INPP4B: variants seen among roughly 807,000 people sequenced by gnomAD.
The protein encoded by INPP4B is inositol polyphosphate-4-phosphatase type II B.
INPP4B carries 55 observed loss-of-function variants against 122.5 expected under a neutral mutation model. The ratio of observed to expected loss-of-function variants is 0.45; its 90% confidence interval spans 0.36 to 0.56. The LOEUF (loss-of-function observed/expected upper bound fraction) is 0.56, where lower values mean the gene tolerates loss of function less well. INPP4B is among the 20% of genes least tolerant of loss of function. The pLI is 0.00. For synonymous variants in INPP4B, 403 were observed against 388.7 expected (o/e 1.04, Z -0.43); for missense variants, 1,000 against 1,097.7 (o/e 0.91, Z 1.26).
intron 5 of INPP4B, among the ~76,000 whole-genome samples, chr4:142,417,808 C>T (rs1188797835): frequency 6.6e-6 from 1 of 152,082 alleles, no homozygotes; most frequent in Admixed American, 6.6e-5. Flanking sequence ...CTCAGGCTGG[C>T]AGTCCAAATA....
chr4:142,376,081 A>AT (rs1791737863), intron 7 of INPP4B, among the ~76,000 whole-genome samples: 1 of 152,034 alleles, frequency 6.6e-6, no homozygotes, highest in Non-Finnish European at 1.5e-5. Flanking sequence ...GCCTGTGCAT[A>AT]TGTCATTTCT....
At chr4:142,435,028 C>G (rs944921353) in intron 3 of INPP4B, among the ~76,000 whole-genome samples, 1 of 152,176 alleles carries the variant, frequency 6.6e-6, no homozygotes, top group South Asian at 2.1e-4. Flanking sequence ...GATGGGGGAG[C>G]AGTGACTGGG....
chr4:142,325,942 C>T (rs867697738), intron 7 of INPP4B, among the ~76,000 whole-genome samples: 10 of 152,268 alleles, frequency 6.6e-5, no homozygotes, highest in African/African-American at 2.4e-4. Flanking sequence ...TGAAAGAATA[C>T]TGAATGGCAA....
At chr4:142,194,462 T>A (rs1837329899) in intron 14 of INPP4B, among the ~76,000 whole-genome samples, 1 of 152,170 alleles carries the variant, frequency 6.6e-6, no homozygotes, top group Non-Finnish European at 1.5e-5. Context: ...CTGTTCTATG[T>A]CATGGAAAGG....
chr4:142,578,957 G>T (rs564292107), intron 2 of INPP4B, among the ~76,000 whole-genome samples: 1 of 151,888 alleles, frequency 6.6e-6, no homozygotes, highest in African/African-American at 2.4e-5. Context: ...GTGGTCTCTT[G>T]TAACTAAAAA....
At chr4:142,249,699 G>A (rs1191380767) in intron 11 of INPP4B, among the ~76,000 whole-genome samples, 6 of 152,140 alleles carry the variant, frequency 3.9e-5, no homozygotes, top group South Asian at 2.1e-4. Flanking sequence ...AGGATGAAAC[G>A]GCTGGTTGAA....
intron 5 of INPP4B, among the ~76,000 whole-genome samples, chr4:142,420,466 T>C (rs751212130): frequency 1.3e-5 from 2 of 152,090 alleles, no homozygotes; most frequent in Non-Finnish European, 2.9e-5. Context: ...CTGCAGAACA[T>C]GCTAAATCTT....
At chr4:142,580,053 A>G (rs1734740399) in intron 2 of INPP4B, among the ~76,000 whole-genome samples, 1 of 151,420 alleles carries the variant, frequency 6.6e-6, no homozygotes, top group Non-Finnish European at 1.5e-5. Context: ...AATATGGTAC[A>G]GAGGCAATGG....
intron 1 of INPP4B, among the ~76,000 whole-genome samples, chr4:142,824,070 T>C (rs1351903345): frequency 6.6e-6 from 1 of 152,112 alleles, no homozygotes; most frequent in Non-Finnish European, 1.5e-5. Context: ...CCTCCTGCCC[T>C]TGAACATGGG....
chr4:142,684,160 T>C (rs965812358), intron 2 of INPP4B, among the ~76,000 whole-genome samples: 2 of 152,068 alleles, frequency 1.3e-5, no homozygotes, highest in African/African-American at 2.4e-5. Flanking sequence ...AGAATTTTTG[T>C]GGTCCTCATG....
At chr4:142,315,313 T>C (rs1470106498) in intron 7 of INPP4B, among the ~76,000 whole-genome samples, 1 of 152,178 alleles carries the variant, frequency 6.6e-6, no homozygotes, top group Admixed American at 6.5e-5. Context: ...TCTTTCCCAC[T>C]TGAGAATTCT....
intron 2 of INPP4B, among the ~76,000 whole-genome samples, chr4:142,588,375 G>T (rs903991709): frequency 3.3e-5 from 5 of 151,626 alleles, no homozygotes; most frequent in East Asian, 1.9e-4. Flanking sequence ...TGTTTTTGTT[G>T]TAAATGACAT....
At chr4:142,640,586 T>A (rs921755723) in intron 2 of INPP4B, among the ~76,000 whole-genome samples, 1 of 151,868 alleles carries the variant, frequency 6.6e-6, no homozygotes, top group Non-Finnish European at 1.5e-5. Context: ...TTACAAGAAT[T>A]TAAAAAGCAC....
At chr4:142,626,224 T>G (rs541217631) in intron 2 of INPP4B, among the ~76,000 whole-genome samples, 2 of 152,048 alleles carry the variant, frequency 1.3e-5, no homozygotes, top group South Asian at 2.1e-4. Context: ...CTTTTGAACA[T>G]GAGCAGAACT....
chr4:142,647,738 T>G (rs761562831), intron 2 of INPP4B, among the ~76,000 whole-genome samples: 28 of 152,250 alleles, frequency 1.8e-4, no homozygotes, highest in African/African-American at 2.4e-5. Flanking sequence ...CTGAAGCAAA[T>G]TACTTCTCCA....
At position 142,176,146 on chromosome 4, in the gene INPP4B, T is replaced by C. The variant is rs974918493; in HGVS notation, c.1182-2337A>G. ...ATTATTATTATTATTATTATTATTA[T>C]TATTATTATACTTTAAGTTCTAGGG... is the stretch of plus-strand genomic sequence containing the variant. On this transcript the variant is annotated intron_variant, in intron 15 of 25. Transcript: ENST00000262992. 3.4e-5 allele frequency among the ~76,000 whole-genome samples: 5 copies of C among 147,508 alleles called. No homozygotes were observed. In the South Asian group the frequency reaches 1.1e-3, roughly 31 times the overall value.
chr4:142,197,592 A>G (rs1284651116), intron 14 of INPP4B, among the ~76,000 whole-genome samples: 1 of 152,158 alleles, frequency 6.6e-6, no homozygotes, highest in Non-Finnish European at 1.5e-5. Context: ...TAATTTGTGG[A>G]TAAGAATTGT....
intron 1 of INPP4B, among the ~76,000 whole-genome samples, chr4:142,793,886 A>T (rs1776874441): frequency 6.6e-6 from 1 of 152,054 alleles, no homozygotes; most frequent in Non-Finnish European, 1.5e-5. Flanking sequence ...AAATACTATA[A>T]AGCTTTACAA....
intron 2 of INPP4B, among the ~76,000 whole-genome samples, chr4:142,549,414 A>T (rs184231306): frequency 1.3e-5 from 2 of 152,228 alleles, no homozygotes; most frequent in Admixed American, 1.3e-4. Flanking sequence ...TAGGAGAGTG[A>T]TCTAACCTGG....
Sources: gnomAD v4.1 joint callset for allele counts (sites outside exome capture counted in the v4.1 genomes callset) on GRCh38, gnomAD v4.1.1 for gene constraint, MANE v1.5 for transcripts, NCBI Gene and HGNC (gene_info 2026-07-23, HGNC 2026-07-21) for gene names.